The following PPARD variants were observed in gnomAD, a reference collection of about 807,000 sequenced individuals.
PPARD encodes peroxisome proliferator activated receptor delta, also known as peroxisome proliferator-activated receptor delta.
A neutral mutation model predicts 39.5 loss-of-function variants in PPARD; 6 were observed. That is an observed-to-expected ratio of 0.15 (90% CI 0.08 to 0.30). The LOEUF (loss-of-function observed/expected upper bound fraction) is 0.30, where lower values mean the gene tolerates loss of function less well. Among genes scored for constraint, PPARD ranks in the 10% least tolerant of loss-of-function variants. The pLI is 1.00. For synonymous variants in PPARD, 210 were observed against 231.3 expected (o/e 0.91, Z 0.83); for missense variants, 397 against 596.8 (o/e 0.67, Z 3.49).
intron 2 of PPARD, among the ~76,000 whole-genome samples, chr6:35,380,476 G>GTTTTTTTTTTTTTTTTTTTTTTTTTT: frequency 1.5e-5 from 1 of 67,102 alleles, no homozygotes; most frequent in Non-Finnish European, 2.8e-5. Context: ...TTTTTTGTTT[G>GTTTTTTTTTTTTTTTTTTTTTTTTTT]TTTTTTTTTT....
At chr6:35,399,675 C>T (rs921656138) in intron 2 of PPARD, among the ~76,000 whole-genome samples, 1 of 152,136 alleles carries the variant, frequency 6.6e-6, no homozygotes, top group African/African-American at 2.4e-5. Context: ...CACACCTGCA[C>T]CCCAGCCTAG....
chr6:35,394,776 C>A (rs550321501), intron 2 of PPARD, among the ~76,000 whole-genome samples: 5 of 149,108 alleles, frequency 3.4e-5, no homozygotes, highest in Admixed American at 6.6e-5. Flanking sequence ...GTCTCCCCGC[C>A]CCCCCCACCA....
intron 2 of PPARD, among the ~76,000 whole-genome samples, chr6:35,386,336 T>C (rs1763658037): frequency 6.8e-6 from 1 of 147,982 alleles, no homozygotes; most frequent in South Asian, 2.2e-4. Flanking sequence ...TTTTTTTTTT[T>C]TTCAGTGAGC....
At chr6:35,400,733 G>A (rs369690077) in intron 2 of PPARD, among the ~76,000 whole-genome samples, 6 of 152,132 alleles carry the variant, frequency 3.9e-5, no homozygotes, top group Admixed American at 2.0e-4. Flanking sequence ...CTAGGAAATC[G>A]AGGCTGCAGT....
At chr6:35,391,502 G>A (rs963383201) in intron 2 of PPARD, among the ~76,000 whole-genome samples, 2 of 152,244 alleles carry the variant, frequency 1.3e-5, no homozygotes, top group African/African-American at 2.4e-5. Context: ...AGTGGTGCCA[G>A]TTGGCCCTAG....
chr6:35,397,772 C>T (rs1334571470), intron 2 of PPARD, among the ~76,000 whole-genome samples: 2 of 151,988 alleles, frequency 1.3e-5, no homozygotes, highest in East Asian at 1.9e-4. Context: ...AGCCATAAGA[C>T]GGATGGAGAA....
chr6:35,383,628 G>C (rs1211835466), intron 2 of PPARD, among the ~76,000 whole-genome samples: 1 of 133,728 alleles, frequency 7.5e-6, no homozygotes, highest in South Asian at 2.2e-4. Context: ...AAGGAGGAGC[G>C]TCTCTGCCCG....
rs978184453 is a variant in PPARD at position 35,416,403 on chromosome 6, A to C, written c.131-3724A>C. On this transcript the variant is annotated intron_variant, in intron 3 of 7. Coordinates refer to ENST00000360694, the MANE Select transcript of PPARD (RefSeq NM_006238.5). ...AAAAAAAAAAAAAAAAAAAAAAAAA[A>C]AAAAAAACACCTTCTTAGCACATTG... Among the ~76,000 whole-genome samples the C allele has an allele frequency of 7.5e-5, 10 of 133,092 alleles. No homozygotes were observed. In the East Asian group the frequency reaches 9.1e-4, roughly 12 times the overall value. The allele number at this position is 133,092 out of a possible 152,430, so 87.3% of individuals were successfully genotyped here.
Position 35,348,354 on chromosome 6 carries a change from T to C in PPARD, c.-102+1204T>C, listed in dbSNP as rs9658074. On this transcript the variant is annotated intron_variant, in intron 2 of 7. Coordinates refer to ENST00000360694, the MANE Select transcript of PPARD (RefSeq NM_006238.5). ...ATAACACACAGAATTGTTTCTTCCA[T>C]CTCTGCAGGGGTAGGAGGTTCTCAC... The C allele has an allele frequency of 2.9e-3, 2,892 of 985,378 alleles. 68 individuals carry two copies. In the African/African-American group the frequency reaches 0.045, roughly 15 times the overall value. The allele number at this position is 985,378 out of a possible 1,614,324, so 61.0% of individuals were successfully genotyped here.
At chr6:35,373,665 C>G (rs993745783) in intron 2 of PPARD, among the ~76,000 whole-genome samples, 41 of 88,436 alleles carry the variant, frequency 4.6e-4, no homozygotes, top group Non-Finnish European at 8.4e-4. Context: ...TTCTTTGTTT[C>G]TTTCTTTCTT....
chr6:35,385,646 TAA>T (rs66948740), intron 2 of PPARD, among the ~76,000 whole-genome samples: 4,396 of 96,568 alleles, frequency 0.046, 97 homozygotes, highest in Non-Finnish European at 0.052. Context: ...TAAATAAATT[TAA>T]AAAAAAAAAA....
chr6:35,365,214 G>A (rs1582309416), intron 2 of PPARD, among the ~76,000 whole-genome samples: 1 of 131,774 alleles, frequency 7.6e-6, no homozygotes, highest in Admixed American at 8.2e-5. Context: ...CTCACTGCAA[G>A]CTCCACCTCC....
intron 2 of PPARD, among the ~76,000 whole-genome samples, chr6:35,373,649 CTTTCTTTCTTTG>C (rs1241173229): frequency 6.8e-6 from 1 of 147,368 alleles, no homozygotes; most frequent in East Asian, 2.0e-4. Flanking sequence ...CGGTACATTT[CTTTCTTTCTTTG>C]TTTCTTTCTT....
At chr6:35,399,940 T>G (rs1210186656) in intron 2 of PPARD, among the ~76,000 whole-genome samples, 1 of 152,248 alleles carries the variant, frequency 6.6e-6, no homozygotes, top group Admixed American at 6.5e-5. Flanking sequence ...TTTCTGATTT[T>G]TTGTTATTAT....
chr6:35,409,698 TCTC>T (rs1223795720), intron 2 of PPARD, among the ~76,000 whole-genome samples: 1 of 152,092 alleles, frequency 6.6e-6, no homozygotes, highest in Non-Finnish European at 1.5e-5. Context: ...TTTCTGCTCC[TCTC>T]CTCCTCCCAG....
At chr6:35,369,284 CT>C (rs1762360967) in intron 2 of PPARD, among the ~76,000 whole-genome samples, 1 of 152,148 alleles carries the variant, frequency 6.6e-6, no homozygotes. Context: ...TTGAATGTTA[CT>C]TTTTAGCAGT....
At position 35,420,419 on chromosome 6, in the gene PPARD, GC is replaced by G. The variant is rs1427811593; in HGVS notation, c.285+141del. 4.9e-6 allele frequency: 6 copies of G among 1,221,310 alleles called. No individual in the cohort carries two copies. In the East Asian group the frequency reaches 1.7e-4, roughly 35 times the overall value. 75.7% of individuals were successfully genotyped at this position (1,221,310 alleles called of 1,614,324 possible). On this transcript the variant is annotated intron_variant, in intron 4 of 7. Transcript: ENST00000360694. ...GAATTCCTGCCCAGGAGGCAGCCAG[GC>G]CCTTGTGCTCCAGACCTCAGCTCTG...
chr6:35,353,793 C>T (rs927766772), intron 2 of PPARD, among the ~76,000 whole-genome samples: 5 of 152,032 alleles, frequency 3.3e-5, no homozygotes, highest in East Asian at 1.9e-4. Context: ...GAGAAGGCTC[C>T]GTATGGGGCT....
intron 3 of PPARD, 78 bp downstream of exon 3, chr6:35,411,295 C>T (rs950208248): frequency 3.7e-5 from 50 of 1,343,102 alleles, no homozygotes; most frequent in Middle Eastern, 2.6e-4. Context: ...CCTCTGCAAA[C>T]GCCATCATGT....
Sources: allele counts gnomAD v4.1 joint callset (sites outside exome capture counted in the v4.1 genomes callset), GRCh38; gene constraint gnomAD v4.1.1; transcripts MANE v1.5; gene names NCBI Gene and HGNC (gene_info 2026-07-23, HGNC 2026-07-21).